Variants in ZFAND3 observed in about 807,000 individuals in gnomAD.
The protein encoded by ZFAND3 is AN1-type zinc finger protein 3.
A neutral mutation model predicts 29.6 loss-of-function variants in ZFAND3; 10 were observed. The ratio of observed to expected loss-of-function variants is 0.34; its 90% CI spans 0.21 to 0.57. The LOEUF is 0.57. ZFAND3 is among the 20% of genes least tolerant of loss of function. The probability of loss-of-function intolerance (pLI) is 0.86; values close to 1 mark genes in which losing one functional copy is unlikely to be tolerated. For missense variants in ZFAND3, 230 were observed against 304.5 expected (o/e 0.76, Z 1.82); for synonymous variants, 128 against 112.6 (o/e 1.14, Z -0.87).
intron 5 of ZFAND3, among the ~76,000 whole-genome samples, chr6:38,139,126 A>G (rs949332594): frequency 6.6e-6 from 1 of 152,214 alleles, no homozygotes; most frequent in African/African-American, 2.4e-5. Context: ...AAAGTATTTT[A>G]AGAAACAGAA....
At chr6:37,846,816 A>G (rs1051130511) in intron 1 of ZFAND3, among the ~76,000 whole-genome samples, 9 of 151,830 alleles carry the variant, frequency 5.9e-5, no homozygotes, top group African/African-American at 1.9e-4. Context: ...GGTTCAAGCA[A>G]TTCTCCTGCC....
At chr6:37,914,343 T>C (rs1343906215) in intron 1 of ZFAND3, among the ~76,000 whole-genome samples, 1 of 152,134 alleles carries the variant, frequency 6.6e-6, no homozygotes, top group Admixed American at 6.5e-5. Flanking sequence ...AGATTTAGCA[T>C]AGTTGTTTTG....
intron 2 of ZFAND3, among the ~76,000 whole-genome samples, chr6:38,036,064 C>G (rs1763651526): frequency 6.6e-6 from 1 of 152,156 alleles, no homozygotes; most frequent in Non-Finnish European, 1.5e-5. Context: ...CCCCTCTCTC[C>G]CAGACTCTTG....
intron 1 of ZFAND3, among the ~76,000 whole-genome samples, chr6:37,889,270 G>A (rs1765052419): frequency 6.6e-6 from 1 of 152,196 alleles, no homozygotes; most frequent in African/African-American, 2.4e-5. Context: ...ACTTTCCCCA[G>A]TGATTCATCT....
chr6:38,043,019 T>A (rs1002458272), intron 2 of ZFAND3, among the ~76,000 whole-genome samples: 16 of 152,198 alleles, frequency 1.1e-4, no homozygotes, highest in African/African-American at 3.9e-4. Context: ...GGTATTATAA[T>A]CTTTTTGACT....
chr6:37,990,407 G>A (rs1762739288), intron 2 of ZFAND3, among the ~76,000 whole-genome samples: 1 of 152,168 alleles, frequency 6.6e-6, no homozygotes, highest in Non-Finnish European at 1.5e-5. Flanking sequence ...TAGAGCCACT[G>A]TGAAGACTAA....
At chr6:37,842,181 T>G (rs554517014) in intron 1 of ZFAND3, among the ~76,000 whole-genome samples, 31 of 152,278 alleles carry the variant, frequency 2.0e-4, no homozygotes, top group African/African-American at 7.2e-4. Context: ...TTCCAACAAA[T>G]GAATTTTGGG....
At chr6:38,011,281 T>C (rs1417805762) in intron 2 of ZFAND3, among the ~76,000 whole-genome samples, 6 of 152,236 alleles carry the variant, frequency 3.9e-5, no homozygotes, top group Non-Finnish European at 8.8e-5. Flanking sequence ...TTTGTATGAA[T>C]GTATGCTTTT....
intron 2 of ZFAND3, among the ~76,000 whole-genome samples, 162 bp from the exon 3 acceptor site, chr6:38,061,431 A>G (rs1764237135): frequency 6.6e-6 from 1 of 152,194 alleles, no homozygotes; most frequent in Non-Finnish European, 1.5e-5. Flanking sequence ...CACTAATCTT[A>G]AACGTTTTTG....
intron 2 of ZFAND3, among the ~76,000 whole-genome samples, chr6:37,944,858 A>T (rs1294155096): frequency 1.3e-5 from 2 of 152,208 alleles, no homozygotes; most frequent in Admixed American, 1.3e-4. Flanking sequence ...AAATGTACTA[A>T]GATTTATTGC....
At chr6:37,991,902 T>C (rs975155791) in intron 2 of ZFAND3, among the ~76,000 whole-genome samples, 8 of 152,222 alleles carry the variant, frequency 5.3e-5, no homozygotes, top group Admixed American at 5.2e-4. Flanking sequence ...TAAACTTTTG[T>C]ATTTGTTCAG....
intron 5 of ZFAND3, among the ~76,000 whole-genome samples, chr6:38,139,607 G>T (rs1009353489): frequency 2.6e-5 from 4 of 152,140 alleles, no homozygotes; most frequent in African/African-American, 2.4e-5. Flanking sequence ...ACAAGGGGAA[G>T]CGGCAGCCAG....
At position 37,885,679 on chromosome 6, in the gene ZFAND3, A is replaced by G. The variant is rs532020856; in HGVS notation, c.72-44280A>G. On this transcript the variant is annotated intron_variant, in intron 1 of 5. Coordinates refer to ENST00000287218, the MANE Select transcript of ZFAND3 (RefSeq NM_021943.3). ...AATAAAAATAGATGTAGAGCTGAAG[A>G]CAGTTCTGAAGAATTTCAACCTTAT... Among the ~76,000 whole-genome samples the G allele has an allele frequency of 1.4e-4, 21 of 152,214 alleles. No homozygotes were observed. In the South Asian group the frequency reaches 3.5e-3, roughly 26 times the overall value.
At chr6:38,036,035 G>A (rs116080286) in intron 2 of ZFAND3, among the ~76,000 whole-genome samples, 16 of 152,288 alleles carry the variant, frequency 1.1e-4, no homozygotes, top group Middle Eastern at 3.4e-3. Flanking sequence ...CCAGGAGAGT[G>A]CAGCCAAGAA....
intron 1 of ZFAND3, among the ~76,000 whole-genome samples, chr6:37,889,959 C>T (rs111243981): frequency 1.3e-5 from 2 of 152,264 alleles, no homozygotes; most frequent in South Asian, 2.1e-4. Context: ...GTGTTCCATC[C>T]ATCTTCAGGG....
At chr6:37,908,542 TAAAAAAAA>T (rs70981504) in intron 1 of ZFAND3, among the ~76,000 whole-genome samples, 10 of 124,130 alleles carry the variant, frequency 8.1e-5, no homozygotes, top group Admixed American at 1.8e-4. Context: ...AAAAAAAAAT[TAAAAAAAA>T]AAAAAAAAAG....
At chr6:37,893,669 T>G (rs1765144771) in intron 1 of ZFAND3, among the ~76,000 whole-genome samples, 1 of 152,154 alleles carries the variant, frequency 6.6e-6, no homozygotes, top group African/African-American at 2.4e-5. Flanking sequence ...TTCTCCTGCC[T>G]CAGCCTCCTG....
intron 1 of ZFAND3, among the ~76,000 whole-genome samples, chr6:37,860,797 C>A (rs1472826957): frequency 6.7e-6 from 1 of 149,836 alleles, no homozygotes; most frequent in Non-Finnish European, 1.5e-5. Context: ...TTTATTTGAT[C>A]ATTTATTCAT....
intron 1 of ZFAND3, among the ~76,000 whole-genome samples, chr6:37,832,067 G>A (rs1157138260): frequency 1.3e-5 from 2 of 152,092 alleles, no homozygotes; most frequent in East Asian, 3.8e-4. Flanking sequence ...GTGAAGTCGT[G>A]GACCCCTTCT....
Sources: gnomAD v4.1 joint callset for allele counts (sites outside exome capture counted in the v4.1 genomes callset) on GRCh38, gnomAD v4.1.1 for gene constraint, MANE v1.5 for transcripts, NCBI Gene and HGNC (gene_info 2026-07-23, HGNC 2026-07-21) for gene names.